The following GRID1 variants were observed in gnomAD, a reference collection of about 807,000 sequenced individuals.
GRID1 encodes glutamate ionotropic receptor delta type subunit 1.
GRID1 carries 28 observed loss-of-function variants against 98.0 expected under a neutral mutation model. The observed-to-expected ratio is 0.29, with a 90% CI of 0.21 to 0.39. GRID1 has a LOEUF of 0.39. Among genes scored for constraint, GRID1 ranks in the 10% least tolerant of loss-of-function variants. The pLI, the probability that GRID1 is intolerant of heterozygous loss-of-function variation, is 1.00. For synonymous variants in GRID1, 553 were observed against 538.5 expected (o/e 1.03, Z -0.37); for missense variants, 1,111 against 1,340.5 (o/e 0.83, Z 2.67).
chr10:86,198,828 A>G (rs1046213316), intron 3 of GRID1, among the ~76,000 whole-genome samples: 1 of 152,140 alleles, frequency 6.6e-6, no homozygotes, highest in Admixed American at 6.5e-5. Context: ...ACGCACTGCC[A>G]TGAGGGAAGA....
chr10:85,799,226 C>A (rs1428792611), intron 8 of GRID1, among the ~76,000 whole-genome samples: 1 of 152,076 alleles, frequency 6.6e-6, no homozygotes, highest in Non-Finnish European at 1.5e-5. Context: ...TTGGTACCAA[C>A]CTGTTTGGTT....
chr10:85,610,384 A>G (rs1842719042), intron 15 of GRID1, among the ~76,000 whole-genome samples: 1 of 152,102 alleles, frequency 6.6e-6, no homozygotes, highest in Non-Finnish European at 1.5e-5. Context: ...CCCTGCCAGC[A>G]TCTCCTTCCT....
chr10:85,924,283 T>G (rs1841745643), intron 4 of GRID1, among the ~76,000 whole-genome samples: 1 of 152,246 alleles, frequency 6.6e-6, no homozygotes, highest in African/African-American at 2.4e-5. Context: ...GTCCTCACTT[T>G]GCACGAACTT....
At chr10:85,785,692 T>C (rs930973553) in intron 8 of GRID1, among the ~76,000 whole-genome samples, 1 of 152,164 alleles carries the variant, frequency 6.6e-6, no homozygotes, top group Non-Finnish European at 1.5e-5. Context: ...TTGGACTTCA[T>C]GGTGAAGCCC....
chr10:85,982,518 G>A (rs1350946310), intron 4 of GRID1, among the ~76,000 whole-genome samples: 1 of 152,144 alleles, frequency 6.6e-6, no homozygotes, highest in African/African-American at 2.4e-5. Context: ...AGAACCAAGG[G>A]TGAATGGGGA....
At chr10:85,966,541 C>CA (rs1564637579) in intron 4 of GRID1, among the ~76,000 whole-genome samples, 1 of 152,090 alleles carries the variant, frequency 6.6e-6, no homozygotes, top group Admixed American at 6.5e-5. Flanking sequence ...TGGCCAGATA[C>CA]GGTGGCTCAC....
chr10:85,963,974 G>A (rs992969754), intron 4 of GRID1, among the ~76,000 whole-genome samples: 1 of 152,012 alleles, frequency 6.6e-6, no homozygotes, highest in Non-Finnish European at 1.5e-5. Context: ...AAAATCACAA[G>A]CATCCCTACA....
chr10:86,275,762 A>G (rs996031375), intron 2 of GRID1, among the ~76,000 whole-genome samples: 7 of 152,224 alleles, frequency 4.6e-5, no homozygotes, highest in Non-Finnish European at 8.8e-5. Context: ...AAAAGTGAAC[A>G]GAACCTAAAT....
intron 8 of GRID1, among the ~76,000 whole-genome samples, chr10:85,748,294 A>C (rs1842015941): frequency 6.6e-6 from 1 of 152,156 alleles, no homozygotes. Flanking sequence ...TCCACTAAAA[A>C]ACCTGAGGCT....
intron 4 of GRID1, among the ~76,000 whole-genome samples, chr10:86,059,740 C>T (rs1843623709): frequency 6.6e-6 from 1 of 152,144 alleles, no homozygotes; most frequent in Non-Finnish European, 1.5e-5. Context: ...TATTTAACCC[C>T]TATTTAATAA....
At chr10:85,613,334 G>A in intron 15 of GRID1, 73 bp downstream of exon 15, 1 of 1,458,778 alleles carries the variant, frequency 6.9e-7, no homozygotes. Context: ...GAAACAACCT[G>A]CCCTCCCAAT....
chr10:86,204,715 G>A (rs527952864), intron 3 of GRID1, among the ~76,000 whole-genome samples: 1 of 152,324 alleles, frequency 6.6e-6, no homozygotes, highest in Admixed American at 6.5e-5. Context: ...GGCTCTAGGG[G>A]AAAACTGTGT....
intron 4 of GRID1, among the ~76,000 whole-genome samples, chr10:85,950,305 A>G (rs953777183): frequency 6.6e-6 from 1 of 152,174 alleles, no homozygotes; most frequent in African/African-American, 2.4e-5. Flanking sequence ...CTAAAGAGAC[A>G]TGGTTCCGGA....
In GRID1 at chr10:85,908,661, T is replaced by C. The variant is rs764757881; in HGVS notation, c.780+7525A>G. ...AATCCCAAATAAAATCCCAGTCAGC[T>C]TTTTTTAGAAGCTGACAAGCTGATT... is the stretch of plus-strand genomic sequence containing the variant. On this transcript the variant is annotated intron_variant, in intron 5 of 15. Coordinates refer to ENST00000327946, the MANE Select transcript of GRID1 (RefSeq NM_017551.3). 7.3e-4 allele frequency among the ~76,000 whole-genome samples: 111 copies of C among 152,308 alleles called. No homozygotes were observed. The Middle Eastern group carries it at 0.017, about 23-fold the overall frequency.
At chr10:85,638,474 T>A (rs909890331) in intron 13 of GRID1, among the ~76,000 whole-genome samples, 1 of 152,156 alleles carries the variant, frequency 6.6e-6, no homozygotes, top group Non-Finnish European at 1.5e-5. Context: ...TAATCAAGAT[T>A]TTTTTATTGG....
At chr10:85,927,636 C>A (rs943424294) in intron 4 of GRID1, among the ~76,000 whole-genome samples, 2 of 152,094 alleles carry the variant, frequency 1.3e-5, no homozygotes, top group African/African-American at 4.8e-5. Flanking sequence ...ATTGGCTATA[C>A]CCGGTGTTTA....
chr10:85,973,557 C>A (rs1478863026), intron 4 of GRID1, among the ~76,000 whole-genome samples: 1 of 152,112 alleles, frequency 6.6e-6, no homozygotes, highest in Non-Finnish European at 1.5e-5. Context: ...TTAACATGGG[C>A]TTCTATGTTC....
intron 4 of GRID1, among the ~76,000 whole-genome samples, chr10:86,019,067 A>G (rs1843016174): frequency 6.6e-6 from 1 of 152,200 alleles, no homozygotes; most frequent in Non-Finnish European, 1.5e-5. Flanking sequence ...CTCTTATAGG[A>G]CAAGATGGTG....
At chr10:85,985,946 C>T (rs1051216296) in intron 4 of GRID1, among the ~76,000 whole-genome samples, 1 of 152,206 alleles carries the variant, frequency 6.6e-6, no homozygotes, top group African/African-American at 2.4e-5. Context: ...TCTCTCAGAA[C>T]ATGAATTCAC....
Sources: allele counts gnomAD v4.1 joint callset (sites outside exome capture counted in the v4.1 genomes callset), GRCh38; gene constraint gnomAD v4.1.1; transcripts MANE v1.5; gene names NCBI Gene and HGNC (gene_info 2026-07-23, HGNC 2026-07-21).